Variants in LRRC4B observed in about 807,000 individuals in gnomAD.
LRRC4B encodes the protein leucine-rich repeat-containing protein 4B.
LRRC4B carries 1 observed loss-of-function variant against 7.3 expected under a neutral mutation model. The observed-to-expected ratio is 0.14, with a 90% CI of 0.05 to 0.65. LRRC4B has a LOEUF of 0.65. Among genes scored for constraint, LRRC4B ranks in the 30% least tolerant of loss-of-function variants. The pLI is 0.84. For synonymous variants in LRRC4B, 500 were observed against 499.2 expected, an observed-to-expected ratio of 1.00 and a Z score of -0.02; for missense variants, 730 against 1,041.6, an observed-to-expected ratio of 0.70 and a Z score of 4.12.
Position 50,518,758 on chromosome 19 carries a change from CGTCGCAGTTGCAATGCCAG to C in LRRC4B, c.936_954del (p.Trp313CysfsTer4). On this transcript the variant is annotated frameshift_variant, in exon 3 of 3. Coordinates refer to ENST00000652263, the MANE Select transcript of LRRC4B (RefSeq NM_001080457.2). LOFTEE classifies it low-confidence loss of function (END_TRUNC). The stretch of plus-strand genomic sequence containing the variant: ...TTGAGCCACCAGCTCAGCCAGAGCA[CGTCGCAGTTGCAATGCCAG>C]GGGTTGTGGTTGAGGTGCACGCGCT... The C allele has an allele frequency of 6.2e-7, 1 of 1,614,046 alleles. No homozygotes were observed. Among genetic ancestry groups the C allele is most frequent in the Non-Finnish European group, 8.5e-7 (1 of 1,179,982 alleles).
intron 2 of LRRC4B, among the ~76,000 whole-genome samples, chr19:50,536,851 G>C (rs1981317153): frequency 6.6e-6 from 1 of 152,214 alleles, no homozygotes; most frequent in African/African-American, 2.4e-5. Flanking sequence ...GCCCAGTAGA[G>C]GGTGCCCCTG....
intron 2 of LRRC4B, among the ~76,000 whole-genome samples, chr19:50,522,178 C>CA (rs1212803589): frequency 3.9e-5 from 6 of 151,972 alleles, no homozygotes; most frequent in Non-Finnish European, 5.9e-5. Context: ...ATCCCGTCCC[C>CA]AAAATAAATA....
intron 2 of LRRC4B, among the ~76,000 whole-genome samples, chr19:50,543,335 G>GGT (rs143123202): frequency 0.12 from 17,602 of 145,144 alleles, 1,099 homozygotes; most frequent in Middle Eastern, 0.17. Flanking sequence ...GCCAGGCCCT[G>GGT]GTGTGTGTGT....
intron 1 of LRRC4B, among the ~76,000 whole-genome samples, chr19:50,565,529 G>A (rs1203305149): frequency 2.7e-5 from 1 of 37,724 alleles, no homozygotes; most frequent in Non-Finnish European, 9.7e-5. Flanking sequence ...GTGCTCTCGT[G>A]TGTGTGTGTG....
At chr19:50,527,643 T>C (rs893265668) in intron 2 of LRRC4B, among the ~76,000 whole-genome samples, 4 of 152,188 alleles carry the variant, frequency 2.6e-5, no homozygotes, top group East Asian at 3.9e-4. Flanking sequence ...TACCTACGTA[T>C]GGACATTGAT....
intron 1 of LRRC4B, among the ~76,000 whole-genome samples, chr19:50,551,489 C>T (rs1157736603): frequency 2.1e-5 from 3 of 146,260 alleles, no homozygotes; most frequent in Non-Finnish European, 4.5e-5. Flanking sequence ...CTCCCCCGAC[C>T]GCAGCCTCCT....
Position 50,517,852 on chromosome 19 carries a change from C to G in LRRC4B, c.1861G>C (p.Glu621Gln), listed in dbSNP as rs1216575034. Residue 621 changes from glutamate to glutamine, a missense_variant, in exon 3 of 3, where the codon GAG (glutamate) becomes CAG (glutamine). Physicochemically the swap from Glu to Gln is conservative, Grantham distance 29. This residue lies in a region of LRRC4B where 160 missense variants were observed against 163.9 expected (regional missense o/e 0.98). Transcript: ENST00000652263. The surrounding 1 kb of genome is among the most constrained non-coding windows in gnomAD (Gnocchi z 6.6). ...PTRTVEIINVEDELPAASAVS... is the reference protein window; with the variant it reads ...PTRTVEIINVQDELPAASAVS... ...GCCGAGGCGGCGGGCAGCTCGTCCTCCACGTTGATGATCTCCACGGTGCGC... is the reference window on the plus strand; with the variant it reads ...GCCGAGGCGGCGGGCAGCTCGTCCTGCACGTTGATGATCTCCACGGTGCGC... 2 of 1,587,206 alleles carry G rather than the reference C, an allele frequency of 1.3e-6. No homozygotes were observed. The highest frequency in any genetic ancestry group is 4.6e-5 in the East Asian group (2 of 43,624).
intron 2 of LRRC4B, among the ~76,000 whole-genome samples, chr19:50,547,591 C>T (rs1254727940): frequency 6.6e-6 from 1 of 150,468 alleles, no homozygotes; most frequent in East Asian, 2.0e-4. Flanking sequence ...GTAATGATCC[C>T]CTGGGAATCA....
At chr19:50,541,930 T>C (rs1981567067) in intron 2 of LRRC4B, among the ~76,000 whole-genome samples, 1 of 152,174 alleles carries the variant, frequency 6.6e-6, no homozygotes, top group African/African-American at 2.4e-5. Flanking sequence ...CCATCAATTC[T>C]GTAGCAGCAA....
At chr19:50,543,852 C>CAAAAAAA (rs36044151) in intron 2 of LRRC4B, among the ~76,000 whole-genome samples, 3 of 83,376 alleles carry the variant, frequency 3.6e-5, no homozygotes, top group African/African-American at 1.0e-4. Context: ...GCCTCCATCT[C>CAAAAAAA]AAAAAAAAAA....
At chr19:50,551,385 G>T (rs904826061) in intron 1 of LRRC4B, among the ~76,000 whole-genome samples, 2 of 151,284 alleles carry the variant, frequency 1.3e-5, no homozygotes, top group African/African-American at 4.9e-5. Context: ...CCCTGGGGGG[G>T]GCTGTCCTTT....
chr19:50,552,651 T>A (rs1180815756), intron 1 of LRRC4B, among the ~76,000 whole-genome samples: 1 of 99,010 alleles, frequency 1.0e-5, no homozygotes, highest in Non-Finnish European at 2.0e-5. Flanking sequence ...CATCCGTCCA[T>A]CCATCCATCC....
intron 2 of LRRC4B, among the ~76,000 whole-genome samples, chr19:50,540,041 T>C (rs16985470): frequency 0.067 from 10,172 of 152,172 alleles, 1,045 homozygotes; most frequent in African/African-American, 0.22. Flanking sequence ...TTAAAATATA[T>C]TGCTTAAGTT....
At chr19:50,538,928 G>A (rs374990266) in intron 2 of LRRC4B, among the ~76,000 whole-genome samples, 1 of 149,572 alleles carries the variant, frequency 6.7e-6, no homozygotes, top group Admixed American at 6.7e-5. Context: ...TTGCTTTGTC[G>A]CCAGGCTGGA....
chr19:50,544,096 A>T (rs1158317033), intron 2 of LRRC4B, among the ~76,000 whole-genome samples: 1 of 152,072 alleles, frequency 6.6e-6, no homozygotes, highest in Admixed American at 6.6e-5. Context: ...AATCCCAGCT[A>T]CTTGGGAGGC....
Position 50,565,459 on chromosome 19 carries a change from G to A in LRRC4B, c.-36+2485C>T, listed in dbSNP as rs551365766. Among the ~76,000 whole-genome samples the A allele has an allele frequency of 3.9e-5, 6 of 152,262 alleles. No individual in the cohort carries two copies. In the East Asian group the frequency reaches 5.8e-4, roughly 15 times the overall value. ...CTGGCTGACTGAGTGTGGGGGCTGC[G>A]TCTGCAACTGGGCCTCTCTGGTTCC... On this transcript the variant is annotated intron_variant, in intron 1 of 2. Coordinates refer to ENST00000652263, the MANE Select transcript of LRRC4B (RefSeq NM_001080457.2).
At chr19:50,550,200 C>T (rs1035405612) in intron 1 of LRRC4B, among the ~76,000 whole-genome samples, 4 of 152,104 alleles carry the variant, frequency 2.6e-5, no homozygotes, top group African/African-American at 9.7e-5. Context: ...AACGGCCTGT[C>T]CAAGGGCACA....
chr19:50,557,284 G>A lies in LRRC4B; in HGVS notation c.-35-8411C>T, dbSNP rs537640664. Among the ~76,000 whole-genome samples, 121 of 152,278 alleles carry A rather than the reference G, an allele frequency of 7.9e-4. 1 individual carries two copies. The highest frequency in any genetic ancestry group is 2.7e-3 in the African/African-American group (114 of 41,552). On this transcript the variant is annotated intron_variant, in intron 1 of 2. Coordinates refer to ENST00000652263, the MANE Select transcript of LRRC4B (RefSeq NM_001080457.2). ...AGGATGTGGGGCGGGAAGCAGTTAC[G>A]GGGAGAAGAGAATGCAAAAGTCCCT... is the stretch of plus-strand genomic sequence containing the variant.
At chr19:50,535,762 C>T (rs1262029896) in intron 2 of LRRC4B, among the ~76,000 whole-genome samples, 1 of 152,190 alleles carries the variant, frequency 6.6e-6, no homozygotes, top group Non-Finnish European at 1.5e-5. Context: ...CCCTGTCTCC[C>T]TCCTCCCATT....
Sources: gnomAD v4.1 joint callset for allele counts (sites outside exome capture counted in the v4.1 genomes callset) on GRCh38, gnomAD v4.1.1 for gene constraint, gnomAD v4.1.1 regional missense constraint, Gnocchi (gnomAD v3.1) non-coding constraint, MANE v1.5 for transcripts, NCBI Gene and HGNC (gene_info 2026-07-23, HGNC 2026-07-21) for gene names.